Variants in NXPE4 observed in about 807,000 individuals in gnomAD.
The protein encoded by NXPE4 is neurexophilin and PC-esterase domain family member 4.
In NXPE4, 42 loss-of-function variants were observed where a neutral mutation model predicts 33.3. The ratio of observed to expected loss-of-function variants is 1.26; its 90% CI spans 0.98 to 1.63. NXPE4 has a LOEUF of 1.63. Ranked by LOEUF, NXPE4 falls within the 40% of genes most tolerant of loss-of-function variation. The probability of loss-of-function intolerance (pLI) is 0.00; values close to 1 mark genes in which losing one functional copy is unlikely to be tolerated. For missense variants in NXPE4, 709 were observed against 647.6 expected, an observed-to-expected ratio of 1.09 and a Z score of -1.03; for synonymous variants, 253 against 234.9, an observed-to-expected ratio of 1.08 and a Z score of -0.71.
Position 114,570,918 on chromosome 11 carries a change from AT to A in NXPE4, c.*19del. On this transcript the variant is annotated 3_prime_UTR_variant, in exon 6 of 6. Coordinates refer to ENST00000375478, the MANE Select transcript of NXPE4 (RefSeq NM_001077639.2). Reference sequence around the variant, plus strand: ...TAAATTTTTTTACTTAAGTGAATGAATTTCAGACTTTTGTGTTATTTAACAA... The same window carrying A: ...TAAATTTTTTTACTTAAGTGAATGAATTCAGACTTTTGTGTTATTTAACAA... The A allele has an allele frequency of 6.6e-7, 1 of 1,524,122 alleles. No homozygotes were observed. Among genetic ancestry groups the A allele is most frequent in the Non-Finnish European group, 8.9e-7 (1 of 1,128,834 alleles). The allele number at this position is 1,524,122 out of a possible 1,614,324, so 94.4% of individuals were successfully genotyped here. A position where few individuals can be genotyped will look rare whatever the true frequency, so the allele number is the denominator to read the frequency against.
At chr11:114,632,202 ATAT>A in the NXPE4 span, among the ~76,000 whole-genome samples, 15 of 141,460 alleles carry the variant, frequency 1.1e-4, no homozygotes, top group Middle Eastern at 3.3e-3. Context: ...TCATATATAC[ATAT>A]TATATATGTA....
the NXPE4 span, among the ~76,000 whole-genome samples, chr11:114,660,424 G>A: frequency 6.6e-6 from 1 of 151,830 alleles, no homozygotes. Context: ...GACAAAGTGA[G>A]GCTTATCTTG....
chr11:114,640,419 T>G, the NXPE4 span, among the ~76,000 whole-genome samples: 1 of 151,404 alleles, frequency 6.6e-6, no homozygotes, highest in African/African-American at 2.4e-5. Flanking sequence ...CTGCAATATA[T>G]ATTCACGTGC....
chr11:114,668,740 T>C, the NXPE4 span, among the ~76,000 whole-genome samples: 2 of 152,152 alleles, frequency 1.3e-5, no homozygotes, highest in Non-Finnish European at 2.9e-5. Flanking sequence ...TAATCTTTAG[T>C]GAATATTGTA....
chr11:114,628,377 C>T, the NXPE4 span, among the ~76,000 whole-genome samples: 6 of 152,190 alleles, frequency 3.9e-5, no homozygotes, highest in African/African-American at 1.4e-4. Flanking sequence ...CACTCAAAAC[C>T]ACTGAACTAC....
At chr11:114,653,346 T>C in the NXPE4 span, among the ~76,000 whole-genome samples, 1 of 152,200 alleles carries the variant, frequency 6.6e-6, no homozygotes, top group African/African-American at 2.4e-5. Context: ...GTACTTTTAT[T>C]GTCCCTATAA....
chr11:114,635,116 T>G, the NXPE4 span, among the ~76,000 whole-genome samples: 3 of 151,602 alleles, frequency 2.0e-5, no homozygotes, highest in East Asian at 5.8e-4. Context: ...TTCTTCCATT[T>G]GTTTGTATCC....
the NXPE4 span, among the ~76,000 whole-genome samples, chr11:114,634,687 G>A: frequency 6.6e-6 from 1 of 152,034 alleles, no homozygotes; most frequent in Non-Finnish European, 1.5e-5. Context: ...CATATCGCTA[G>A]TTGGTTTTCC....
chr11:114,622,756 AG>A, the NXPE4 span, among the ~76,000 whole-genome samples: 1 of 152,030 alleles, frequency 6.6e-6, no homozygotes, highest in Non-Finnish European at 1.5e-5. Flanking sequence ...CCAGCGGATA[AG>A]TGTTGCCTCA....
chr11:114,601,890 AT>A, the NXPE4 span, among the ~76,000 whole-genome samples: 4 of 42,806 alleles, frequency 9.3e-5, no homozygotes, highest in Non-Finnish European at 1.4e-4. Flanking sequence ...ATAATTATAT[AT>A]TATATTTATA....
In NXPE4 at chr11:114,582,320, A is replaced by G; in HGVS notation, c.798T>C (p.Tyr266=). ...HMYSKNKKVS[Y]LSKQEKSLFE... Reference sequence around the variant, plus strand: ...AGAGGCTCTTTTCTTGTTTGCTAAGATAAGAAACTTTCTTGTTCTTAGAAT... The same window carrying G: ...AGAGGCTCTTTTCTTGTTTGCTAAGGTAAGAAACTTTCTTGTTCTTAGAAT... Residue 266 remains tyrosine (Y), a synonymous_variant, in exon 3 of 6, where the codon TAT becomes TAC. Coordinates refer to ENST00000375478, the MANE Select transcript of NXPE4 (RefSeq NM_001077639.2). 3 of 1,594,208 alleles carry G rather than the reference A, an allele frequency of 1.9e-6. No homozygotes were observed. Among genetic ancestry groups the G allele is most frequent in the Non-Finnish European group, 2.6e-6 (3 of 1,170,578 alleles).
intron 2 of NXPE4, among the ~76,000 whole-genome samples, chr11:114,587,914 GC>G (rs759907922): frequency 6.6e-6 from 1 of 152,170 alleles, no homozygotes; most frequent in East Asian, 1.9e-4. Context: ...AACCATCCTG[GC>G]CTGCAGAGGG....
At chr11:114,637,721 G>A in the NXPE4 span, among the ~76,000 whole-genome samples, 1 of 151,176 alleles carries the variant, frequency 6.6e-6, no homozygotes, top group East Asian at 1.9e-4. Context: ...CTTCACTTAT[G>A]AAGCTTAGTT....
the NXPE4 span, among the ~76,000 whole-genome samples, chr11:114,617,883 C>T: frequency 6.6e-6 from 1 of 152,102 alleles, no homozygotes; most frequent in African/African-American, 2.4e-5. Flanking sequence ...ACCACTCTTA[C>T]CTGGCGGATA....
chr11:114,662,375 T>C, the NXPE4 span, among the ~76,000 whole-genome samples: 1 of 152,144 alleles, frequency 6.6e-6, no homozygotes, highest in African/African-American at 2.4e-5. Flanking sequence ...GAATTACCCA[T>C]CCGGGTTGTT....
At chr11:114,642,219 A>G in the NXPE4 span, among the ~76,000 whole-genome samples, 1 of 151,996 alleles carries the variant, frequency 6.6e-6, no homozygotes, top group South Asian at 2.1e-4. Context: ...CTTCTCCCCC[A>G]GTTCAAAAAA....
At chr11:114,670,937 A>G in the NXPE4 span, among the ~76,000 whole-genome samples, 1 of 151,658 alleles carries the variant, frequency 6.6e-6, no homozygotes, top group Admixed American at 6.6e-5. Flanking sequence ...AAGATAGCCA[A>G]TATAAATATG....
chr11:114,660,292 T>G, the NXPE4 span, among the ~76,000 whole-genome samples: 1 of 152,018 alleles, frequency 6.6e-6, no homozygotes, highest in Non-Finnish European at 1.5e-5. Context: ...TGCAATTCAT[T>G]TTATGAGAAA....
chr11:114,642,293 C>T, the NXPE4 span, among the ~76,000 whole-genome samples: 1 of 151,980 alleles, frequency 6.6e-6, no homozygotes, highest in Non-Finnish European at 1.5e-5. Flanking sequence ...TTATAAAATA[C>T]CTGACCATGA....
Sources: gnomAD v4.1 joint callset for allele counts (sites outside exome capture counted in the v4.1 genomes callset) on GRCh38, gnomAD v4.1.1 for gene constraint, MANE v1.5 for transcripts, NCBI Gene and HGNC (gene_info 2026-07-23, HGNC 2026-07-21) for gene names.